TCF4: variants seen among roughly 807,000 people sequenced by gnomAD.
TCF4 encodes the protein SL3-3 enhancer factor 2.
In TCF4, 3 loss-of-function variants were observed where a neutral mutation model predicts 82.1. The observed-to-expected ratio is 0.04, with a 90% confidence interval of 0.02 to 0.09. The LOEUF is 0.09. TCF4 is among the 10% of genes least tolerant of loss of function. TCF4 has a pLI of 1.00. For missense variants in TCF4, 518 were observed against 852.7 expected (o/e 0.61, Z 4.89); for synonymous variants, 276 against 309.6 (o/e 0.89, Z 1.14).
intron 8 of TCF4, among the ~76,000 whole-genome samples, chr18:55,282,092 A>T (rs2062733198): frequency 6.6e-6 from 1 of 152,014 alleles, no homozygotes; most frequent in Non-Finnish European, 1.5e-5. Flanking sequence ...TACAAATCAG[A>T]TACAATGTTA....
At chr18:55,478,812 C>T (rs775194473) in intron 3 of TCF4, among the ~76,000 whole-genome samples, 2 of 116,042 alleles carry the variant, frequency 1.7e-5, no homozygotes, top group Non-Finnish European at 3.8e-5. Context: ...AGTTCTGTGG[C>T]ATAAGGAGAT....
rs146787244 is a variant in TCF4, at chr18:55,484,432, T to C, written c.146-20295A>G. Reference sequence around the variant, plus strand: ...ACAATTCATATCACTTTGTAAGCCATACCTGAAAATTCTCCAAGGCAAGAA... The same window carrying C: ...ACAATTCATATCACTTTGTAAGCCACACCTGAAAATTCTCCAAGGCAAGAA... On this transcript the variant is annotated intron_variant, in intron 3 of 19. Coordinates refer to ENST00000354452, the MANE Select transcript of TCF4 (RefSeq NM_001083962.2). 6.0e-3 allele frequency among the ~76,000 whole-genome samples: 911 copies of C among 152,356 alleles called. 9 individuals are homozygous for C. The highest frequency in any genetic ancestry group is 0.021 in the African/African-American group (867 of 41,584).
chr18:55,399,848 T>C (rs1333325685), intron 6 of TCF4, among the ~76,000 whole-genome samples: 4 of 140,088 alleles, frequency 2.9e-5, no homozygotes, highest in Non-Finnish European at 3.1e-5. Context: ...TCTCTCTCTC[T>C]CCCCATCTCT....
intron 3 of TCF4, among the ~76,000 whole-genome samples, chr18:55,501,257 G>A (rs532047757): frequency 2.6e-5 from 4 of 152,034 alleles, no homozygotes; most frequent in Admixed American, 6.5e-5. Context: ...CATTTATGCA[G>A]TTTCCAGTGC....
At chr18:55,480,995 T>C (rs1026040326) in intron 3 of TCF4, among the ~76,000 whole-genome samples, 1 of 151,202 alleles carries the variant, frequency 6.6e-6, no homozygotes, top group Non-Finnish European at 1.5e-5. Flanking sequence ...TCCTAGCTAC[T>C]TGGGAGGCTG....
chr18:55,339,583 G>T (rs186392974), intron 8 of TCF4, among the ~76,000 whole-genome samples: 2 of 152,106 alleles, frequency 1.3e-5, no homozygotes, highest in Non-Finnish European at 2.9e-5. Flanking sequence ...CTTTTCCCGA[G>T]GAATCTAACT....
intron 3 of TCF4, among the ~76,000 whole-genome samples, chr18:55,488,170 A>T (rs1204448554): frequency 6.6e-6 from 1 of 152,172 alleles, no homozygotes; most frequent in Non-Finnish European, 1.5e-5. Context: ...GGTCATGAAA[A>T]TCCTTACTCC....
At chr18:55,414,787 T>C (rs1017004246) in intron 5 of TCF4, among the ~76,000 whole-genome samples, 1 of 152,164 alleles carries the variant, frequency 6.6e-6, no homozygotes, top group Non-Finnish European at 1.5e-5. Context: ...TAACATCTCA[T>C]ACTCTATAAA....
At chr18:55,429,091 T>A (rs767249999) in intron 5 of TCF4, among the ~76,000 whole-genome samples, 25 of 152,168 alleles carry the variant, frequency 1.6e-4, no homozygotes, top group Non-Finnish European at 2.8e-4. Flanking sequence ...TTTAAATGCA[T>A]AAATATATCC....
intron 3 of TCF4, among the ~76,000 whole-genome samples, chr18:55,521,277 T>C (rs146275391): frequency 1.3e-5 from 2 of 152,232 alleles, no homozygotes; most frequent in Non-Finnish European, 2.9e-5. Flanking sequence ...CAAACAGTTA[T>C]AGTAATAAAA....
intron 2 of TCF4, among the ~76,000 whole-genome samples, chr18:55,599,957 A>AAT (rs1450254591): frequency 6.6e-6 from 1 of 152,144 alleles, no homozygotes; most frequent in Non-Finnish European, 1.5e-5. Context: ...CATCCAGTGG[A>AAT]ATATATCATC....
At chr18:55,568,783 G>C (rs1374169643) in intron 3 of TCF4, among the ~76,000 whole-genome samples, 1 of 152,014 alleles carries the variant, frequency 6.6e-6, no homozygotes. Context: ...TAGAAAGTAG[G>C]AGGAAAAAAA....
At chr18:55,297,792 A>AG (rs1245065679) in intron 8 of TCF4, among the ~76,000 whole-genome samples, 1 of 152,160 alleles carries the variant, frequency 6.6e-6, no homozygotes, top group Non-Finnish European at 1.5e-5. Context: ...CAAAAAAAAA[A>AG]CTAGCAATTT....
intron 6 of TCF4, among the ~76,000 whole-genome samples, chr18:55,386,701 C>T (rs545609325): frequency 3.3e-5 from 5 of 152,312 alleles, no homozygotes; most frequent in Admixed American, 1.3e-4. Flanking sequence ...CTACTCTTCC[C>T]CATGCACAGC....
intron 8 of TCF4, among the ~76,000 whole-genome samples, chr18:55,326,121 A>G (rs536008297): frequency 1.3e-5 from 2 of 152,306 alleles, no homozygotes; most frequent in South Asian, 4.1e-4. Context: ...AGACACTGGA[A>G]TCAGGGTGTG....
intron 3 of TCF4, among the ~76,000 whole-genome samples, chr18:55,490,872 A>G (rs760594424): frequency 1.3e-5 from 2 of 152,230 alleles, no homozygotes; most frequent in Admixed American, 6.5e-5. Flanking sequence ...AAATGTTGAC[A>G]TAGAAAAGGA....
intron 5 of TCF4, among the ~76,000 whole-genome samples, chr18:55,441,816 G>A (rs561577549): frequency 6.6e-6 from 1 of 152,278 alleles, no homozygotes; most frequent in South Asian, 2.1e-4. Context: ...TCACAAATCA[G>A]TGGAAACTCT....
chr18:55,272,517 TG>T (rs2060599739), intron 10 of TCF4, among the ~76,000 whole-genome samples: 1 of 152,120 alleles, frequency 6.6e-6, no homozygotes, highest in South Asian at 2.1e-4. Context: ...CCAAGAGTCC[TG>T]TATTTCGTGT....
intron 3 of TCF4, among the ~76,000 whole-genome samples, chr18:55,490,156 G>A (rs1164032859): frequency 6.6e-6 from 1 of 152,122 alleles, no homozygotes; most frequent in African/African-American, 2.4e-5. Context: ...GAAATACCAA[G>A]AAATTAAAAT....
Sources: gnomAD v4.1 joint callset for allele counts (sites outside exome capture counted in the v4.1 genomes callset) on GRCh38, gnomAD v4.1.1 for gene constraint, MANE v1.5 for transcripts, NCBI Gene and HGNC (gene_info 2026-07-23, HGNC 2026-07-21) for gene names.